Variants in OOEP observed in about 807,000 individuals in gnomAD.
OOEP encodes oocyte expressed protein, also known as oocyte-expressed protein homolog.
In OOEP, 16 loss-of-function variants were observed where a neutral mutation model predicts 13.7. The observed-to-expected ratio is 1.16, with a 90% confidence interval of 0.79 to 1.77. OOEP has a LOEUF of 1.77. OOEP is among the 40% of genes most tolerant of loss of function. The pLI, the probability that OOEP is intolerant of heterozygous loss-of-function variation, is 0.00. For missense variants in OOEP, 195 were observed against 193.1 expected (o/e 1.01, Z -0.06); for synonymous variants, 89 against 77.1 (o/e 1.15, Z -0.81).
At chr6:73,386,708 GTAAT>G (rs1022121714) in intron 2 of OOEP, among the ~76,000 whole-genome samples, 2 of 151,968 alleles carry the variant, frequency 1.3e-5, no homozygotes, top group Non-Finnish European at 2.9e-5. Context: ...GCTCATGCCT[GTAAT>G]CCCAGCACTT....
chr6:73,386,455 A>T (rs1231811399), intron 2 of OOEP, among the ~76,000 whole-genome samples: 1 of 152,216 alleles, frequency 6.6e-6, no homozygotes, highest in Non-Finnish European at 1.5e-5. Context: ...ACAAACAAAT[A>T]GAATGAATGA....
At chr6:73,392,171 T>C (rs940022154) in intron 2 of OOEP, among the ~76,000 whole-genome samples, 3 of 152,204 alleles carry the variant, frequency 2.0e-5, no homozygotes, top group African/African-American at 7.2e-5. Context: ...CTGACTAACA[T>C]AGATGCAAAA....
At chr6:73,384,811 A>G (rs1164860163) in intron 2 of OOEP, among the ~76,000 whole-genome samples, 1 of 150,666 alleles carries the variant, frequency 6.6e-6, no homozygotes, top group East Asian at 2.0e-4. Context: ...ATCTCGGCTC[A>G]CTGCAACCTG....
At chr6:73,371,071 G>C (rs1219064360), upstream of OOEP, among the ~76,000 whole-genome samples, 1 of 152,130 alleles carries the variant, frequency 6.6e-6, no homozygotes, top group Non-Finnish European at 1.5e-5. Flanking sequence ...CTCCCAAAGT[G>C]CTGGGATTAC....
At chr6:73,375,024 G>A (rs1437738040) in intron 2 of OOEP, among the ~76,000 whole-genome samples, 3 of 151,648 alleles carry the variant, frequency 2.0e-5, no homozygotes, top group Admixed American at 6.6e-5. Context: ...ACGGGGTTTC[G>A]CCATGTTGGC....
At chr6:73,389,835 T>TA (rs1466772528) in intron 2 of OOEP, among the ~76,000 whole-genome samples, 3 of 152,176 alleles carry the variant, frequency 2.0e-5, no homozygotes, top group African/African-American at 4.8e-5. Context: ...CCATAAAACT[T>TA]AAAGTATAAT....
exon 1 of OOEP, chr6:73,394,771 G>C: frequency 3.2e-6 from 4 of 1,259,996 alleles, no homozygotes; most frequent in Non-Finnish European, 4.3e-6. Flanking sequence ...GAGAGCGTGG[G>C]CGGGGGGGCT....
rs576415310 is a variant in OOEP, at chr6:73,368,959, C to T, written c.371-96G>A. ...TGGGAGTTGGGGAGGAGAGAAAGAT[C>T]TGCGATAGTGCTGTAACCCAGGTGA... On this transcript the variant is annotated intron_variant, in intron 2 of 2. Transcript: ENST00000370359. 4.0e-6 allele frequency: 4 copies of T among 993,404 alleles called. No homozygotes were observed. In the African/African-American group the frequency reaches 6.3e-5, roughly 16 times the overall value. 61.5% of individuals were successfully genotyped at this position (993,404 alleles called of 1,614,324 possible).
intron 2 of OOEP, among the ~76,000 whole-genome samples, chr6:73,379,207 A>C (rs1769169857): frequency 1.3e-5 from 2 of 151,618 alleles, no homozygotes; most frequent in Admixed American, 1.3e-4. Flanking sequence ...ATGCTTTTGT[A>C]GAGACAGGGT....
chr6:73,373,356 A>G, upstream of OOEP: 1 of 1,288,618 alleles, frequency 7.8e-7, no homozygotes, highest in Non-Finnish European at 1.1e-6. Flanking sequence ...ACAGGGTCTC[A>G]CTCTGTCACC....
chr6:73,374,114 C>G (rs2045159745), upstream of OOEP, among the ~76,000 whole-genome samples: 1 of 151,998 alleles, frequency 6.6e-6, no homozygotes, highest in African/African-American at 2.4e-5. Flanking sequence ...CCTGAGTGCA[C>G]AAGGTCGAGG....
chr6:73,383,363 A>G (rs1483830127), intron 2 of OOEP, among the ~76,000 whole-genome samples: 2 of 152,176 alleles, frequency 1.3e-5, no homozygotes, highest in Admixed American at 1.3e-4. Flanking sequence ...GGCCGGGCAC[A>G]GTGGCCAGCA....
chr6:73,394,859 T>C (rs1769427776), exon 1 of OOEP: 1 of 1,601,466 alleles, frequency 6.2e-7, no homozygotes, highest in Admixed American at 1.7e-5. Context: ...GGTCAGGTGG[T>C]GCAGAGCTGG....
upstream of OOEP, chr6:73,373,363 C>CTCAAAA: frequency 8.1e-7 from 1 of 1,239,080 alleles, no homozygotes; most frequent in Non-Finnish European, 1.2e-6. Flanking sequence ...CTCACTCTGT[C>CTCAAAA]ACCCAGGCTA....
chr6:73,371,827 A>C (rs1769063506), upstream of OOEP, among the ~76,000 whole-genome samples: 2 of 152,064 alleles, frequency 1.3e-5, 1 homozygote, highest in South Asian at 4.2e-4. Context: ...ACTCGAAAGG[A>C]TGAGGCAGGA....
rs368224203 is a variant in OOEP, at chr6:73,369,716, C to G, written c.77G>C (p.Arg26Thr). Residue 26 changes from arginine to threonine, a missense_variant, in exon 1 of 3, where the codon AGG (arginine) becomes ACG (threonine). Coordinates refer to ENST00000370359, the MANE Select transcript of OOEP (RefSeq NM_001080507.3). ...TPAHSLEQLR[R>T]LPLPPPQIRI... Reference sequence around the variant, plus strand: ...AATCTGTGGCGGCGGAAGTGGTAACCTACGCAGCTGCTCCAGGGAGTGGGC... The same window carrying G: ...AATCTGTGGCGGCGGAAGTGGTAACGTACGCAGCTGCTCCAGGGAGTGGGC... 1 of 1,614,046 alleles carries G rather than the reference C, an allele frequency of 6.2e-7. No homozygotes were observed. Among genetic ancestry groups the G allele is most frequent in the Middle Eastern group, 1.6e-4 (1 of 6,062 alleles).
chr6:73,394,547 T>G, intron 1 of OOEP: 1 of 556,634 alleles, frequency 1.8e-6, no homozygotes. Context: ...ACCCGAGGTG[T>G]GTGTCCAGTA....
chr6:73,390,822 G>A (rs368772540), intron 2 of OOEP, among the ~76,000 whole-genome samples: 8 of 150,014 alleles, frequency 5.3e-5, no homozygotes, highest in Non-Finnish European at 8.9e-5. Context: ...GGCTGGTCTC[G>A]AACTCCTGAC....
At chr6:73,394,848 C>G in exon 1 of OOEP, 1 of 1,586,354 alleles carries the variant, frequency 6.3e-7, no homozygotes, top group Non-Finnish European at 8.6e-7. Context: ...TACGACGTCA[C>G]GGTCAGGTGG....
Sources: gnomAD v4.1 joint callset for allele counts (sites outside exome capture counted in the v4.1 genomes callset) on GRCh38, gnomAD v4.1.1 for gene constraint, MANE v1.5 for transcripts, NCBI Gene and HGNC (gene_info 2026-07-23, HGNC 2026-07-21) for gene names.